PEX5L: variants seen among roughly 807,000 people sequenced by gnomAD.
The protein encoded by PEX5L is peroxisomal biogenesis factor 5 like.
PEX5L carries 30 observed loss-of-function variants against 84.0 expected under a neutral mutation model. The observed-to-expected ratio is 0.36, with a 90% CI of 0.27 to 0.48. The LOEUF is 0.48. Ranked by LOEUF, PEX5L falls within the 20% of genes least tolerant of loss-of-function variation. The pLI is 0.99. For missense variants in PEX5L, 533 were observed against 754.6 expected (o/e 0.71, Z 3.44); for synonymous variants, 270 against 283.1 (o/e 0.95, Z 0.46).
chr3:179,919,546 C>T (rs997228087), intron 2 of PEX5L, among the ~76,000 whole-genome samples: 18 of 152,058 alleles, frequency 1.2e-4, no homozygotes, highest in African/African-American at 4.3e-4. Flanking sequence ...TTTTTCTTCC[C>T]CCTCGAGTAA....
At chr3:179,989,951 T>C (rs1787230646) in intron 1 of PEX5L, among the ~76,000 whole-genome samples, 2 of 152,212 alleles carry the variant, frequency 1.3e-5, no homozygotes, top group South Asian at 4.1e-4. Context: ...TTACCACATA[T>C]TTCCCAACAT....
intron 2 of PEX5L, among the ~76,000 whole-genome samples, chr3:179,949,651 C>A (rs1415994164): frequency 6.6e-6 from 1 of 152,108 alleles, no homozygotes; most frequent in Non-Finnish European, 1.5e-5. Flanking sequence ...GACAGGTGGC[C>A]TTCTTGCCCC....
chr3:179,835,244 C>A (rs1477795110), intron 8 of PEX5L, among the ~76,000 whole-genome samples: 1 of 152,214 alleles, frequency 6.6e-6, no homozygotes, highest in Non-Finnish European at 1.5e-5. Flanking sequence ...TGCTACCACT[C>A]CCCTAGAGAT....
At chr3:179,806,200 G>A (rs568411852) in intron 14 of PEX5L, among the ~76,000 whole-genome samples, 6 of 151,950 alleles carry the variant, frequency 3.9e-5, no homozygotes, top group Non-Finnish European at 5.9e-5. Flanking sequence ...AATGAAAGAC[G>A]TAAATAGGAA....
intron 9 of PEX5L, 66 bp downstream of exon 9, chr3:179,819,794 T>A (rs1727711651): frequency 7.5e-7 from 1 of 1,338,968 alleles, no homozygotes. Context: ...TATTGACTAA[T>A]CTATAAAATA....
At chr3:180,024,382 A>ACC (rs1553929519) in intron 1 of PEX5L, among the ~76,000 whole-genome samples, 1 of 114,822 alleles carries the variant, frequency 8.7e-6, no homozygotes, top group Non-Finnish European at 1.7e-5. Flanking sequence ...ATACACACAC[A>ACC]AAAAAAAAAA....
At chr3:180,012,123 A>G (rs1171119486) in intron 1 of PEX5L, among the ~76,000 whole-genome samples, 1 of 152,182 alleles carries the variant, frequency 6.6e-6, no homozygotes, top group Non-Finnish European at 1.5e-5. Context: ...TATTATCGTA[A>G]TTCCATCTGC....
At chr3:179,877,250 A>G (rs1752721464) in intron 5 of PEX5L, among the ~76,000 whole-genome samples, 1 of 152,190 alleles carries the variant, frequency 6.6e-6, no homozygotes, top group African/African-American at 2.4e-5. Flanking sequence ...GAATAAGTTC[A>G]TTGTCTGTAT....
chr3:179,938,840 T>C (rs1160964017), intron 2 of PEX5L, among the ~76,000 whole-genome samples: 1 of 152,220 alleles, frequency 6.6e-6, no homozygotes, highest in Non-Finnish European at 1.5e-5. Flanking sequence ...TCCTGCAGGG[T>C]GTGAGACCAG....
chr3:179,858,932 C>G (rs370347688), intron 8 of PEX5L, 130 bp downstream of exon 8: 10 of 636,874 alleles, frequency 1.6e-5, no homozygotes, highest in East Asian at 1.1e-4. Context: ...CTCATTTTGA[C>G]AATCATAATC....
chr3:179,839,226 A>C (rs949850297), intron 8 of PEX5L, among the ~76,000 whole-genome samples: 1 of 152,174 alleles, frequency 6.6e-6, no homozygotes, highest in African/African-American at 2.4e-5. Flanking sequence ...GTGGATTAAA[A>C]AGCAACTGAC....
chr3:179,973,826 C>G, intron 1 of PEX5L: 2 of 985,370 alleles, frequency 2.0e-6, no homozygotes, highest in Non-Finnish European at 2.4e-6. Context: ...CTGGCATTTT[C>G]CAAGAGTGGG....
chr3:179,930,841 T>C (rs938073349), intron 2 of PEX5L, among the ~76,000 whole-genome samples: 13 of 152,222 alleles, frequency 8.5e-5, no homozygotes, highest in African/African-American at 3.1e-4. Flanking sequence ...TGCCACCTCA[T>C]ACAAATGTAA....
chr3:179,993,427 T>A (rs1450933791), intron 1 of PEX5L, among the ~76,000 whole-genome samples: 2 of 152,202 alleles, frequency 1.3e-5, no homozygotes, highest in Admixed American at 6.5e-5. Flanking sequence ...AACCTGAGGA[T>A]GCCCAAGTAC....
chr3:179,984,649 TTTTG>T (rs1786637249), intron 1 of PEX5L, among the ~76,000 whole-genome samples: 1 of 152,202 alleles, frequency 6.6e-6, no homozygotes, highest in South Asian at 2.1e-4. Flanking sequence ...GAAAATTAAT[TTTTG>T]TTTTTCCTTT....
intron 2 of PEX5L, among the ~76,000 whole-genome samples, chr3:179,910,955 T>G (rs1764956791): frequency 6.6e-6 from 1 of 152,188 alleles, no homozygotes; most frequent in Non-Finnish European, 1.5e-5. Context: ...AGCTACCATT[T>G]AAGCACTTAT....
At chr3:179,827,123 T>C (rs1730795014) in intron 8 of PEX5L, among the ~76,000 whole-genome samples, 1 of 152,228 alleles carries the variant, frequency 6.6e-6, no homozygotes, top group Admixed American at 6.5e-5. Context: ...GCAGTTTTTC[T>C]GGCTCCCATC....
intron 1 of PEX5L, among the ~76,000 whole-genome samples, chr3:179,980,850 C>A (rs972521868): frequency 1.3e-5 from 2 of 151,974 alleles, no homozygotes; most frequent in Admixed American, 1.3e-4. Flanking sequence ...ATGGTGAAAC[C>A]CTGTCTCTAC....
chr3:179,823,943 A>AAATT (rs1197496406), intron 8 of PEX5L, among the ~76,000 whole-genome samples: 1 of 152,180 alleles, frequency 6.6e-6, no homozygotes, highest in Non-Finnish European at 1.5e-5. Context: ...TAATCTCCAA[A>AAATT]AATTATACTT....
Sources: gnomAD v4.1 joint callset for allele counts (sites outside exome capture counted in the v4.1 genomes callset) on GRCh38, gnomAD v4.1.1 for gene constraint, MANE v1.5 for transcripts, NCBI Gene and HGNC (gene_info 2026-07-23, HGNC 2026-07-21) for gene names.